Variants in BRAF observed in about 807,000 individuals in gnomAD.
The protein encoded by BRAF is serine/threonine-protein kinase B-raf.
Under a neutral mutation model 104.6 loss-of-function variants are expected in BRAF, and 16 were observed. That is an observed-to-expected ratio of 0.15 (90% CI 0.10 to 0.23). The LOEUF is 0.23. Among genes scored for constraint, BRAF ranks in the 10% least tolerant of loss-of-function variants. BRAF has a pLI of 1.00. For synonymous variants in BRAF, 310 were observed against 341.6 expected, an observed-to-expected ratio of 0.91 and a Z score of 1.02; for missense variants, 541 against 937.3, an observed-to-expected ratio of 0.58 and a Z score of 5.52.
At chr7:140,871,670 T>C (rs1402668699) in intron 1 of BRAF, among the ~76,000 whole-genome samples, 3 of 152,150 alleles carry the variant, frequency 2.0e-5, no homozygotes, top group African/African-American at 7.2e-5. Context: ...CAGAATTATT[T>C]TGAAGCCAAA....
At chr7:140,718,219 C>T (rs912501326), downstream of BRAF, among the ~76,000 whole-genome samples, 4 of 151,756 alleles carry the variant, frequency 2.6e-5, no homozygotes, top group South Asian at 2.1e-4. Context: ...CTCAGCCTCC[C>T]GAGTAGCTGG....
intron 12 of BRAF, among the ~76,000 whole-genome samples, chr7:140,778,580 T>C (rs1186224541): frequency 6.6e-6 from 1 of 151,912 alleles, no homozygotes; most frequent in Admixed American, 6.6e-5. Context: ...AAACTGTCAC[T>C]AAAATTTAAA....
intron 14 of BRAF, among the ~76,000 whole-genome samples, chr7:140,772,494 C>A (rs771246880): frequency 1.3e-5 from 2 of 152,002 alleles, no homozygotes; most frequent in East Asian, 1.9e-4. Flanking sequence ...TGTGATGGTG[C>A]GCCCTTGTAG....
chr7:140,810,334 C>A (rs1469570920), intron 3 of BRAF, among the ~76,000 whole-genome samples: 1 of 152,080 alleles, frequency 6.6e-6, no homozygotes, highest in Admixed American at 6.6e-5. Flanking sequence ...TTTGGGAGGC[C>A]AAGGTGGGTG....
intron 2 of BRAF, among the ~76,000 whole-genome samples, chr7:140,841,237 A>C (rs1807932224): frequency 2.6e-5 from 4 of 152,188 alleles, no homozygotes; most frequent in Admixed American, 2.6e-4. Context: ...AATAGATAAT[A>C]ACAAGGGTTG....
chr7:140,834,386 A>G lies in BRAF; in HGVS notation c.504+223T>C, dbSNP rs1174712300. On this transcript the variant is annotated intron_variant, in intron 3 of 19. Coordinates refer to ENST00000644969, the MANE Select transcript of BRAF (RefSeq NM_001374258.1). ...TGACTGTGGTTCAAGTTTGGCAGACAGGTTTAAATGTCAAATCCAACACTA... is the reference window on the plus strand; with the variant it reads ...TGACTGTGGTTCAAGTTTGGCAGACGGGTTTAAATGTCAAATCCAACACTA... 6 of 662,728 alleles carry G rather than the reference A, an allele frequency of 9.1e-6. No homozygotes were observed. The African/African-American group carries it at 1.1e-4, about 12-fold the overall frequency. The allele number at this position is 662,728 out of a possible 1,614,324, so 41.1% of individuals were successfully genotyped here. A position where few individuals can be genotyped will look rare whatever the true frequency, so the allele number is the denominator to read the frequency against.
chr7:140,828,290 G>A (rs1009466747), intron 3 of BRAF, among the ~76,000 whole-genome samples: 7 of 151,988 alleles, frequency 4.6e-5, no homozygotes, highest in African/African-American at 9.7e-5. Flanking sequence ...TTCTTAGTTC[G>A]CAGGCCATAC....
In BRAF at chr7:140,722,909, ATTT is replaced by A. The variant is rs1247203569; in HGVS notation, c.*3582_*3584del. On this transcript the variant is annotated 3_prime_UTR_variant, in exon 20 of 20. Transcript: ENST00000644969. The stretch of plus-strand genomic sequence containing the variant: ...AACATTCAGATATTCCGAGCAACAC[ATTT>A]TTTTACAGTATTACTGCTTAAATGT... 4.7e-6 allele frequency: 5 copies of A among 1,055,460 alleles called. No homozygotes were observed. Among genetic ancestry groups the A allele is most frequent in the Non-Finnish European group, 5.7e-6 (5 of 873,218 alleles). 65.4% of individuals were successfully genotyped at this position (1,055,460 alleles called of 1,614,324 possible).
At position 140,723,314 on chromosome 7, in the gene BRAF, G is replaced by A. The variant is rs943017804; in HGVS notation, c.*3180C>T. 9.5e-7 allele frequency: 1 copy of A among 1,055,874 alleles called. No individual in the cohort carries two copies. Among genetic ancestry groups the A allele is most frequent in the African/African-American group, 1.7e-5 (1 of 60,516 alleles). 65.4% of individuals were successfully genotyped at this position (1,055,874 alleles called of 1,614,324 possible). On this transcript the variant is annotated 3_prime_UTR_variant, in exon 20 of 20. Coordinates refer to ENST00000644969, the MANE Select transcript of BRAF (RefSeq NM_001374258.1). ...ATTTACAAAGTTTCAGGTTGACAGT[G>A]CTGCAGTCTTGAATTATTTCTTTAT...
At chr7:140,826,326 C>T (rs1332539015) in intron 3 of BRAF, among the ~76,000 whole-genome samples, 1 of 152,164 alleles carries the variant, frequency 6.6e-6, no homozygotes, top group Non-Finnish European at 1.5e-5. Flanking sequence ...GAACTTTCTA[C>T]ATTTCTTTTT....
intron 3 of BRAF, among the ~76,000 whole-genome samples, chr7:140,809,598 G>A (rs1804011734): frequency 6.6e-6 from 1 of 152,146 alleles, no homozygotes; most frequent in Non-Finnish European, 1.5e-5. Context: ...TGGCTAATCA[G>A]TTTCCCATAC....
chr7:140,916,668 T>C (rs1443953914), intron 1 of BRAF, among the ~76,000 whole-genome samples: 1 of 152,214 alleles, frequency 6.6e-6, no homozygotes, highest in African/African-American at 2.4e-5. Flanking sequence ...AGGAAATTAA[T>C]TTTGGTTGCA....
At chr7:140,754,355 A>T in intron 14 of BRAF, 122 bp from the exon 14 acceptor site, 1 of 814,922 alleles carries the variant, frequency 1.2e-6, no homozygotes, top group Admixed American at 1.9e-5. Flanking sequence ...AAAATAGTAC[A>T]TTGTAATAAA....
rs193103146 is a variant in BRAF, at chr7:140,794,250, A to C, written c.1140+58T>G. ...TTCTGATCTAAGTTATAATTATAGC[A>C]GAAAAATAAAGATACATACTTGGTT... On this transcript the variant is annotated intron_variant, in intron 8 of 19. Coordinates refer to ENST00000644969, the MANE Select transcript of BRAF (RefSeq NM_001374258.1). The C allele has an allele frequency of 3.2e-6, 5 of 1,583,652 alleles. No individual in the cohort carries two copies. The East Asian group carries it at 1.1e-4, about 35-fold the overall frequency.
chr7:140,850,025 A>C (rs972041304), intron 2 of BRAF, 86 bp downstream of exon 2: 198 of 1,017,802 alleles, frequency 1.9e-4, no homozygotes, highest in Non-Finnish European at 2.7e-4. Context: ...CACCTCCTAA[A>C]ATAATCAAGA....
chr7:140,719,530 A>G lies in BRAF; in HGVS notation c.*6964T>C. On this transcript the variant is annotated 3_prime_UTR_variant, in exon 20 of 20. Coordinates refer to ENST00000644969, the MANE Select transcript of BRAF (RefSeq NM_001374258.1). ...CTGAACAATATTTTCTGTTATACAA[A>G]TTTACATGAGAAAAACTCCAAAGTA... The G allele has an allele frequency of 9.6e-7, 1 of 1,042,826 alleles. No individual in the cohort carries two copies. Among genetic ancestry groups the G allele is most frequent in the Non-Finnish European group, 1.2e-6 (1 of 862,260 alleles). 64.6% of individuals were successfully genotyped at this position (1,042,826 alleles called of 1,614,324 possible). A position where few individuals can be genotyped will look rare whatever the true frequency, so the allele number is the denominator to read the frequency against.
intron 1 of BRAF, among the ~76,000 whole-genome samples, chr7:140,879,697 G>A (rs1812662940): frequency 6.6e-6 from 1 of 151,174 alleles, no homozygotes; most frequent in Admixed American, 6.6e-5. Flanking sequence ...TCAAGTCAGT[G>A]GTTGCTAAAG....
At chr7:140,863,838 C>G (rs1810662617) in intron 1 of BRAF, among the ~76,000 whole-genome samples, 1 of 152,166 alleles carries the variant, frequency 6.6e-6, no homozygotes, top group Non-Finnish European at 1.5e-5. Flanking sequence ...TGAGCAGATG[C>G]CAGTATCATG....
intron 5 of BRAF, among the ~76,000 whole-genome samples, chr7:140,804,099 C>G (rs1354967205): frequency 6.6e-6 from 1 of 152,164 alleles, no homozygotes; most frequent in Non-Finnish European, 1.5e-5. Context: ...GTTGGCCAGG[C>G]TGGTCTCAAA....
Sources: gnomAD v4.1 joint callset for allele counts (sites outside exome capture counted in the v4.1 genomes callset) on GRCh38, gnomAD v4.1.1 for gene constraint, MANE v1.5 for transcripts, NCBI Gene and HGNC (gene_info 2026-07-23, HGNC 2026-07-21) for gene names.